MTMR3: variants seen among roughly 807,000 people sequenced by gnomAD.
MTMR3 encodes phosphatidylinositol-3,5-bisphosphate 3-phosphatase MTMR3.
MTMR3 carries 32 observed loss-of-function variants against 132.4 expected under a neutral mutation model. The ratio of observed to expected loss-of-function variants is 0.24; its 90% CI spans 0.18 to 0.32. The LOEUF (loss-of-function observed/expected upper bound fraction) is 0.32. Among genes scored for constraint, MTMR3 ranks in the 10% least tolerant of loss-of-function variants. MTMR3 has a pLI of 1.00. For missense variants in MTMR3, 1,216 were observed against 1,489.6 expected, an observed-to-expected ratio of 0.82 and a Z score of 3.02; for synonymous variants, 556 against 550.3, an observed-to-expected ratio of 1.01 and a Z score of -0.14.
chr22:29,992,712 A>G (rs928017937), intron 7 of MTMR3: 2 of 152,138 alleles, frequency 1.3e-5, no homozygotes, highest in Non-Finnish European at 1.5e-5. Context: ...TGAATCTTCA[A>G]TCTTATAAGT....
chr22:29,906,252 CT>C (rs1568998211), intron 1 of MTMR3, among the ~76,000 whole-genome samples: 1,707 of 112,690 alleles, frequency 0.015, 18 homozygotes, highest in East Asian at 0.069. Context: ...ATCCGTCTGT[CT>C]GTCTGTCTGT....
At chr22:29,975,665 A>G (rs1244496032) in intron 3 of MTMR3, among the ~76,000 whole-genome samples, 2 of 152,312 alleles carry the variant, frequency 1.3e-5, no homozygotes, top group Admixed American at 6.5e-5. Flanking sequence ...TAGTGGCGCA[A>G]TCACAGCTCA....
intron 2 of MTMR3, 64 bp downstream of exon 2, chr22:29,957,152 G>A (rs1602562909): frequency 7.0e-6 from 1 of 142,244 alleles, no homozygotes; most frequent in African/African-American, 2.7e-5. Context: ...GTGCTGTTTC[G>A]AGGCAAGGAA....
intron 7 of MTMR3, chr22:29,993,321 T>C (rs1287380041): frequency 6.6e-6 from 1 of 152,226 alleles, no homozygotes; most frequent in Non-Finnish European, 1.5e-5. Flanking sequence ...TATGGCTCTT[T>C]TCAAATTTGG....
At chr22:29,979,943 G>T (rs938636666) in intron 5 of MTMR3, 3 of 152,204 alleles carry the variant, frequency 2.0e-5, no homozygotes, top group Non-Finnish European at 4.4e-5. Flanking sequence ...CAGTGAACTG[G>T]TTCTTCCAGT....
intron 12 of MTMR3, chr22:30,011,301 C>G (rs918179453): frequency 1.3e-5 from 2 of 152,154 alleles, no homozygotes; most frequent in African/African-American, 4.8e-5. Context: ...AAACAAAATG[C>G]AACAGAGTTT....
At chr22:29,949,092 T>C (rs2066006299) in intron 1 of MTMR3, among the ~76,000 whole-genome samples, 1 of 119,684 alleles carries the variant, frequency 8.4e-6, no homozygotes, top group African/African-American at 3.3e-5. Context: ...CGAGGCCCTG[T>C]CTTAAAACAC....
chr22:29,888,279 A>G lies in MTMR3; in HGVS notation c.-138+4920A>G, dbSNP rs2064718000. On this transcript the variant is annotated intron_variant, in intron 1 of 19. Transcript: ENST00000401950. ...AGGCTGGTCTTGAACTCCTGGGCTC[A>G]AAGGTAGTCCTCCTGCTTTGGCCTC... Among the ~76,000 whole-genome samples, 7 of 152,044 alleles carry G rather than the reference A, an allele frequency of 4.6e-5. No homozygotes were observed. In the South Asian group the frequency reaches 1.5e-3, roughly 32 times the overall value.
At chr22:29,949,149 C>CGAGG (rs2066020167) in intron 1 of MTMR3, among the ~76,000 whole-genome samples, 1 of 34,296 alleles carries the variant, frequency 2.9e-5, no homozygotes, top group African/African-American at 1.2e-4. Flanking sequence ...ACACACCCCC[C>CGAGG]CCCCCCCCCC....
intron 1 of MTMR3, among the ~76,000 whole-genome samples, chr22:29,889,103 C>G (rs890994674): frequency 6.6e-6 from 1 of 151,946 alleles, no homozygotes; most frequent in Non-Finnish European, 1.5e-5. Flanking sequence ...CTATGCCTAT[C>G]ATTTTTCCAT....
intron 1 of MTMR3, among the ~76,000 whole-genome samples, chr22:29,949,832 C>T (rs2066039404): frequency 6.6e-6 from 1 of 152,096 alleles, no homozygotes; most frequent in South Asian, 2.1e-4. Flanking sequence ...GGGCAGAAGT[C>T]ATCACAAGAT....
intron 1 of MTMR3, among the ~76,000 whole-genome samples, chr22:29,952,683 T>TA (rs146622237): frequency 0.13 from 20,413 of 152,110 alleles, 1,538 homozygotes; most frequent in South Asian, 0.24. Flanking sequence ...ATCCACCACT[T>TA]ACCACAGTAG....
intron 1 of MTMR3, among the ~76,000 whole-genome samples, chr22:29,935,250 AT>A (rs1183462040): frequency 6.6e-5 from 10 of 152,202 alleles, no homozygotes; most frequent in African/African-American, 2.4e-4. Flanking sequence ...ACTAAATGGC[AT>A]GTACAGTTCG....
intron 1 of MTMR3, among the ~76,000 whole-genome samples, chr22:29,913,896 C>G: frequency 6.6e-6 from 1 of 152,026 alleles, no homozygotes; most frequent in East Asian, 1.9e-4. Context: ...GGACTACAGG[C>G]TCATGCCACC....
At chr22:30,023,698 CAG>C (rs3216915) in intron 19 of MTMR3, 30,137 of 579,176 alleles carry the variant, frequency 0.052, 2,208 homozygotes, top group South Asian at 0.23. Flanking sequence ...CTCCTGATCA[CAG>C]AGGTCAGCCA....
chr22:29,908,731 TGATA>T lies in MTMR3; in HGVS notation c.-138+25376_-138+25379del, dbSNP rs1420717360. Among the ~76,000 whole-genome samples the T allele has an allele frequency of 3.9e-5, 6 of 152,222 alleles. No individual in the cohort carries two copies. In the East Asian group the frequency reaches 1.2e-3, roughly 29 times the overall value. ...GACTAAGTGACTGTGTATACCACAGTGATAGATTGATCCACTTTGATTATTGTAG... is the reference window on the plus strand; with the variant it reads ...GACTAAGTGACTGTGTATACCACAGTGATTGATCCACTTTGATTATTGTAG... On this transcript the variant is annotated intron_variant, in intron 1 of 19. Transcript: ENST00000401950.
At chr22:29,923,738 A>G (rs1275087702) in intron 1 of MTMR3, among the ~76,000 whole-genome samples, 1 of 152,138 alleles carries the variant, frequency 6.6e-6, no homozygotes, top group Non-Finnish European at 1.5e-5. Flanking sequence ...TATTGGATCA[A>G]GGATCCATCT....
chr22:29,953,423 C>T (rs755295190), intron 1 of MTMR3, among the ~76,000 whole-genome samples: 1 of 152,168 alleles, frequency 6.6e-6, no homozygotes, highest in South Asian at 2.1e-4. Flanking sequence ...GGTGGCACAT[C>T]GATGATCACA....
chr22:30,013,820 T>G, intron 14 of MTMR3: 1 of 309,282 alleles, frequency 3.2e-6, no homozygotes, highest in Non-Finnish European at 6.2e-6. Context: ...ATAGAAGCAA[T>G]CAGAATGTCT....
Sources: gnomAD v4.1 joint callset for allele counts (sites outside exome capture counted in the v4.1 genomes callset) on GRCh38, gnomAD v4.1.1 for gene constraint, MANE v1.5 for transcripts, NCBI Gene and HGNC (gene_info 2026-07-23, HGNC 2026-07-21) for gene names.